The following RYR2 variants were observed in gnomAD, a reference collection of about 807,000 sequenced individuals.
The protein encoded by RYR2 is ryanodine receptor 2.
A neutral mutation model predicts 601.1 loss-of-function variants in RYR2; 227 were observed. The observed-to-expected ratio is 0.38, with a 90% CI of 0.34 to 0.42. RYR2 has a LOEUF of 0.42. Among genes scored for constraint, RYR2 ranks in the 10% least tolerant of loss-of-function variants. RYR2 has a pLI of 1.00. For synonymous variants in RYR2, 2,223 were observed against 2,175.1 expected (o/e 1.02, Z -0.61); for missense variants, 4,646 against 6,156.5 (o/e 0.75, Z 8.21).
At chr1:237,115,802 G>C (rs1670012966) in intron 1 of RYR2, among the ~76,000 whole-genome samples, 1 of 151,928 alleles carries the variant, frequency 6.6e-6, no homozygotes, top group Non-Finnish European at 1.5e-5. Context: ...TTGAAACTTT[G>C]CTGCAAAGTT....
intron 103 of RYR2, among the ~76,000 whole-genome samples, chr1:237,830,930 T>C (rs951668090): frequency 1.3e-5 from 2 of 152,122 alleles, no homozygotes; most frequent in African/African-American, 4.8e-5. Context: ...TAGGAATTCT[T>C]AGGCTGCTTC....
chr1:237,831,510 G>T lies in RYR2; in HGVS notation c.14757-4G>T. On this transcript the variant is annotated splice_polypyrimidine_tract_variant and splice_region_variant and intron_variant, in intron 103 of 104. Coordinates refer to ENST00000366574, the MANE Select transcript of RYR2 (RefSeq NM_001035.3). Reference sequence around the variant, plus strand: ...ATTTCTGATCAGTTTCTCTGTATCTGTAGGTTTTTTCTGATGTATCTTATA... The same window carrying T: ...ATTTCTGATCAGTTTCTCTGTATCTTTAGGTTTTTTCTGATGTATCTTATA... The T allele has an allele frequency of 6.6e-7, 1 of 1,522,782 alleles. No homozygotes were observed. The highest frequency in any genetic ancestry group is 1.7e-4 in the Middle Eastern group (1 of 5,886). 94.3% of individuals were successfully genotyped at this position (1,522,782 alleles called of 1,614,324 possible). A position where few individuals can be genotyped will look rare whatever the true frequency, so the allele number is the denominator to read the frequency against.
chr1:237,221,124 C>CAACAAA, intron 1 of RYR2, among the ~76,000 whole-genome samples: 1 of 152,034 alleles, frequency 6.6e-6, no homozygotes, highest in African/African-American at 2.4e-5. Flanking sequence ...AAAACAACAA[C>CAACAAA]AACAACAACA....
intron 3 of RYR2, among the ~76,000 whole-genome samples, chr1:237,345,945 A>T (rs1020184704): frequency 6.6e-6 from 1 of 152,182 alleles, no homozygotes; most frequent in Non-Finnish European, 1.5e-5. Flanking sequence ...CCTCCATGGA[A>T]GAGACTTACT....
intron 19 of RYR2, among the ~76,000 whole-genome samples, chr1:237,494,055 A>G (rs993138504): frequency 6.6e-6 from 1 of 152,154 alleles, no homozygotes; most frequent in African/African-American, 2.4e-5. Flanking sequence ...ACCGCGCCAC[A>G]CTGCCTTTCT....
At chr1:237,329,088 T>C (rs373150697) in intron 2 of RYR2, among the ~76,000 whole-genome samples, 1 of 152,240 alleles carries the variant, frequency 6.6e-6, no homozygotes, top group South Asian at 2.1e-4. Flanking sequence ...TTATTTATTA[T>C]GATTTATTGG....
At chr1:237,240,843 A>G (rs979559949) in intron 1 of RYR2, among the ~76,000 whole-genome samples, 8 of 152,274 alleles carry the variant, frequency 5.3e-5, no homozygotes, top group African/African-American at 7.2e-5. Flanking sequence ...TTGGTTGCTT[A>G]GGATAGAAAA....
chr1:237,318,696 A>G (rs1316921280), intron 2 of RYR2, among the ~76,000 whole-genome samples: 1 of 151,986 alleles, frequency 6.6e-6, no homozygotes, highest in Non-Finnish European at 1.5e-5. Flanking sequence ...ATTTGATGGG[A>G]TGTGTATTAT....
intron 2 of RYR2, among the ~76,000 whole-genome samples, chr1:237,307,600 G>C (rs1283554742): frequency 6.6e-6 from 1 of 152,078 alleles, no homozygotes; most frequent in Non-Finnish European, 1.5e-5. Context: ...AAGCTAACTT[G>C]AGTTTTGTTT....
intron 23 of RYR2, among the ~76,000 whole-genome samples, chr1:237,510,033 T>G (rs1348924369): frequency 6.6e-6 from 1 of 152,134 alleles, no homozygotes; most frequent in African/African-American, 2.4e-5. Context: ...GAAGATGATT[T>G]TATTCTGTAG....
chr1:237,830,278 C>G, intron 102 of RYR2: 1 of 365,272 alleles, frequency 2.7e-6, no homozygotes. Context: ...TTTCAGCCAT[C>G]ATCATCATCA....
At chr1:237,801,170 C>T (rs1276378595) in intron 97 of RYR2, among the ~76,000 whole-genome samples, 1 of 130,402 alleles carries the variant, frequency 7.7e-6, no homozygotes, top group Non-Finnish European at 1.7e-5. Context: ...ATTGCAAGTG[C>T]ATATGAAAGT....
chr1:237,638,199 A>C lies in RYR2; in HGVS notation c.6793-158A>C, dbSNP rs189943446. Among the ~76,000 whole-genome samples, 55 of 152,214 alleles carry C rather than the reference A, an allele frequency of 3.6e-4. 1 individual carries two copies. The highest frequency in any genetic ancestry group is 1.3e-3 in the African/African-American group (52 of 41,460). ...TATTTCTAAAGTCTAAGGTTTTACTAAAGGGAGTTCAAGTAGATTATCATG... is the reference window on the plus strand; with the variant it reads ...TATTTCTAAAGTCTAAGGTTTTACTCAAGGGAGTTCAAGTAGATTATCATG... On this transcript the variant is annotated intron_variant, in intron 44 of 104. Coordinates refer to ENST00000366574, the MANE Select transcript of RYR2 (RefSeq NM_001035.3).
intron 59 of RYR2, 75 bp downstream of exon 59, chr1:237,674,294 G>A: frequency 8.6e-7 from 1 of 1,169,168 alleles, no homozygotes; most frequent in Non-Finnish European, 1.2e-6. Flanking sequence ...CATATTTAAA[G>A]CTGAAAATGA....
chr1:237,468,858 G>A (rs927230944), intron 16 of RYR2, among the ~76,000 whole-genome samples: 2 of 152,100 alleles, frequency 1.3e-5, no homozygotes, highest in African/African-American at 2.4e-5. Flanking sequence ...TTCACTTTCC[G>A]AAATTACATT....
At chr1:237,046,192 A>G (rs978155747) in intron 1 of RYR2, among the ~76,000 whole-genome samples, 16 of 152,172 alleles carry the variant, frequency 1.1e-4, no homozygotes, top group African/African-American at 3.4e-4. Context: ...CTGGTGTACA[A>G]CACTGCATAG....
intron 101 of RYR2, among the ~76,000 whole-genome samples, chr1:237,823,495 C>T (rs903090201): frequency 2.0e-5 from 3 of 152,146 alleles, no homozygotes; most frequent in African/African-American, 7.2e-5. Flanking sequence ...AACAAAGACA[C>T]AACGTACCAG....
intron 29 of RYR2, among the ~76,000 whole-genome samples, chr1:237,582,303 T>C (rs1674006072): frequency 6.7e-6 from 1 of 149,936 alleles, no homozygotes; most frequent in Admixed American, 6.7e-5. Context: ...AGAGATGGAG[T>C]TTCACCACAA....
rs187231588 is a variant in RYR2 at position 237,159,459 on chromosome 1, G to A, written c.49-111038G>A. On this transcript the variant is annotated intron_variant, in intron 1 of 104. Coordinates refer to ENST00000366574, the MANE Select transcript of RYR2 (RefSeq NM_001035.3). ...TTACATGTGTGTAGAAAAAGGCTCC[G>A]TATCATTACATAGATGAGAAATACA... Among the ~76,000 whole-genome samples the A allele has an allele frequency of 8.5e-5, 13 of 152,148 alleles. No individual in the cohort carries two copies. The East Asian group carries it at 1.7e-3, about 20-fold the overall frequency.
Sources: allele counts gnomAD v4.1 joint callset (sites outside exome capture counted in the v4.1 genomes callset), GRCh38; gene constraint gnomAD v4.1.1; transcripts MANE v1.5; gene names NCBI Gene and HGNC (gene_info 2026-07-23, HGNC 2026-07-21).